Variants in ASH1L observed in about 807,000 individuals in gnomAD.
The protein encoded by ASH1L is histone-lysine N-methyltransferase ASH1L.
In ASH1L, 23 loss-of-function variants were observed where a neutral mutation model predicts 269.0. The ratio of observed to expected loss-of-function variants is 0.09; its 90% CI spans 0.06 to 0.12. The LOEUF is 0.12. Among genes scored for constraint, ASH1L ranks in the 10% least tolerant of loss-of-function variants. ASH1L has a pLI of 1.00. For synonymous variants in ASH1L, 1,187 were observed against 1,253.5 expected, an observed-to-expected ratio of 0.95 and a Z score of 1.12; for missense variants, 2,912 against 3,567.8, an observed-to-expected ratio of 0.82 and a Z score of 4.68.
At position 155,477,897 on chromosome 1, in the gene ASH1L, T is replaced by C; in HGVS notation, c.4973A>G (p.Gln1658Arg). The change falls in exon 3 of 28, where the codon CAG becomes CGG. Residue 1658 changes from glutamine to arginine, a missense_variant. This residue lies in a region of ASH1L where 789 missense variants were observed against 897.6 expected (regional missense o/e 0.88). Coordinates refer to ENST00000392403, the MANE Select transcript of ASH1L (RefSeq NM_018489.3). ...ESLPSNERAV[Q>R]TLAGSQPTSD... Reference sequence around the variant, plus strand: ...AATAACCCTCTTACCTGCCAAAGTCTGTACTGCCCTTTCGTTAGAAGGCAG... The same window carrying C: ...AATAACCCTCTTACCTGCCAAAGTCCGTACTGCCCTTTCGTTAGAAGGCAG... The C allele has an allele frequency of 6.2e-7, 1 of 1,605,150 alleles. No homozygotes were observed. The highest frequency in any genetic ancestry group is 8.5e-7 in the Non-Finnish European group (1 of 1,173,556).
intron 17 of ASH1L, 76 bp from the exon 18 acceptor site, chr1:155,349,672 G>C: frequency 2.1e-6 from 2 of 944,750 alleles, no homozygotes; most frequent in Non-Finnish European, 3.2e-6. Context: ...TGGAAGAATA[G>C]AATCCCTCAA....
chr1:155,399,488 C>T (rs975740724), intron 6 of ASH1L, among the ~76,000 whole-genome samples: 5 of 152,132 alleles, frequency 3.3e-5, no homozygotes, highest in Admixed American at 2.0e-4. Context: ...ACTAAAAATA[C>T]AAAAATTAGC....
At chr1:155,528,799 G>C (rs1669448353) in intron 1 of ASH1L, among the ~76,000 whole-genome samples, 1 of 152,076 alleles carries the variant, frequency 6.6e-6, no homozygotes, top group African/African-American at 2.4e-5. Flanking sequence ...TCATCACCCA[G>C]GTATTAAGCC....
chr1:155,446,035 CTTTT>C (rs77905341), intron 4 of ASH1L, among the ~76,000 whole-genome samples: 11 of 119,994 alleles, frequency 9.2e-5, no homozygotes, highest in African/African-American at 3.4e-4. Context: ...CTACACTGTA[CTTTT>C]TTTTTTTTTT....
chr1:155,500,595 C>T (rs1031897253), intron 2 of ASH1L, among the ~76,000 whole-genome samples: 1 of 152,052 alleles, frequency 6.6e-6, no homozygotes, highest in African/African-American at 2.4e-5. Context: ...TGAGATGGCA[C>T]GCAGCCCATA....
At chr1:155,503,167 C>T (rs1206223914) in intron 2 of ASH1L, among the ~76,000 whole-genome samples, 2 of 152,152 alleles carry the variant, frequency 1.3e-5, no homozygotes. Context: ...AAGCAGGTGC[C>T]ATTTTGTTTC....
At chr1:155,350,050 C>T (rs957928233) in intron 17 of ASH1L, among the ~76,000 whole-genome samples, 16 of 151,920 alleles carry the variant, frequency 1.1e-4, no homozygotes, top group African/African-American at 2.9e-4. Context: ...CCACCATGCC[C>T]GGCTAATTTT....
At chr1:155,492,887 A>G (rs750726338) in intron 2 of ASH1L, among the ~76,000 whole-genome samples, 5 of 152,180 alleles carry the variant, frequency 3.3e-5, no homozygotes, top group African/African-American at 4.8e-5. Flanking sequence ...TGCAGTGTCA[A>G]TCTCAGCTTG....
chr1:155,366,153 G>C (rs898107125), intron 12 of ASH1L, among the ~76,000 whole-genome samples: 3 of 152,136 alleles, frequency 2.0e-5, no homozygotes, highest in African/African-American at 7.2e-5. Flanking sequence ...GACAAAACAG[G>C]CTGCAGTAAA....
intron 6 of ASH1L, among the ~76,000 whole-genome samples, chr1:155,406,493 C>T (rs1186827139): frequency 1.3e-5 from 2 of 152,044 alleles, no homozygotes; most frequent in Admixed American, 6.6e-5. Context: ...TTGCTTGAGG[C>T]CAAGAGTTCG....
intron 1 of ASH1L, among the ~76,000 whole-genome samples, chr1:155,542,865 C>A (rs1571114943): frequency 6.6e-6 from 1 of 151,420 alleles, no homozygotes. Flanking sequence ...ATTTTTAGTA[C>A]AGACAGGGTT....
In ASH1L at chr1:155,438,714, T is replaced by C; in HGVS notation, c.5441A>G (p.Asp1814Gly). 6.2e-7 allele frequency: 1 copy of C among 1,614,036 alleles called. No homozygotes were observed. The highest frequency in any genetic ancestry group is 8.5e-7 in the Non-Finnish European group (1 of 1,180,002). ...QRQARKMCNYDKILATKKNLD... is the reference protein window; with the variant it reads ...QRQARKMCNYGKILATKKNLD... ...GTTTTTCTTTGTGGCCAAGATTTTG[T>C]CGTAATTGCACATTTTCCGAGCTTG... Residue 1814 changes from aspartate to glycine, a missense_variant, in exon 5 of 28, where the codon GAC (aspartate) becomes GGC (glycine). By Grantham distance (94) the Asp-to-Gly change is moderately conservative (BLOSUM62 -1). This residue lies in a region of ASH1L where 789 missense variants were observed against 897.6 expected (regional missense o/e 0.88). Coordinates refer to ENST00000392403, the MANE Select transcript of ASH1L (RefSeq NM_018489.3).
intron 1 of ASH1L, among the ~76,000 whole-genome samples, chr1:155,536,296 A>G (rs1474477674): frequency 6.6e-6 from 1 of 152,210 alleles, no homozygotes; most frequent in East Asian, 1.9e-4. Context: ...GGACTTATAC[A>G]GAGGGCCTTG....
chr1:155,457,336 T>C (rs1014520034), intron 4 of ASH1L, among the ~76,000 whole-genome samples: 15 of 152,244 alleles, frequency 9.9e-5, no homozygotes, highest in Non-Finnish European at 2.1e-4. Context: ...GTCCCCATTA[T>C]TGCTTTTACA....
chr1:155,403,991 G>GGTT (rs1659061436), intron 6 of ASH1L, among the ~76,000 whole-genome samples: 1 of 150,866 alleles, frequency 6.6e-6, no homozygotes, highest in South Asian at 2.1e-4. Flanking sequence ...GGAAGGCAGA[G>GGTT]GTTGCAGTGA....
In ASH1L at chr1:155,380,025, A is replaced by G. The variant is rs1039151311; in HGVS notation, c.6177+18T>C. The stretch of plus-strand genomic sequence containing the variant: ...TTACCACTTAAGAATGAAACCTGGT[A>G]AAACAGGCTCTCTGTACCTGATTGT... On this transcript the variant is annotated intron_variant, in intron 8 of 27. Transcript: ENST00000392403. The G allele has an allele frequency of 1.9e-6, 3 of 1,583,716 alleles. No individual in the cohort carries two copies. The highest frequency in any genetic ancestry group is 2.7e-5 in the African/African-American group (2 of 74,270).
At position 155,480,950 on chromosome 1, in the gene ASH1L, A is replaced by T. The variant is rs1367968849; in HGVS notation, c.1920T>A (p.His640Gln). Residue 640 changes from histidine to glutamine, a missense_variant, in exon 3 of 28, where the codon CAT becomes CAA. Transcript: ENST00000392403. ...AAGAGCTTATTCTTGGAATATCTAT[A>T]TGGGTAGTTTTTGAATCATTTACCT... The part of the protein sequence containing the change: ...DKEVNDSKTT[H>Q]IDIPRISSSL... The T allele has an allele frequency of 6.2e-7, 1 of 1,614,056 alleles. No homozygotes were observed. The highest frequency in any genetic ancestry group is 2.2e-5 in the East Asian group (1 of 44,876).
At chr1:155,434,659 T>A (rs1661934156) in intron 5 of ASH1L, among the ~76,000 whole-genome samples, 1 of 152,036 alleles carries the variant, frequency 6.6e-6, no homozygotes, top group African/African-American at 2.4e-5. Flanking sequence ...GAGACCAGCC[T>A]GACCAATATG....
At chr1:155,545,175 CAAAAAA>C (rs10624841) in intron 1 of ASH1L, among the ~76,000 whole-genome samples, 13 of 21,764 alleles carry the variant, frequency 6.0e-4, no homozygotes, top group Non-Finnish European at 8.4e-4. Flanking sequence ...TCCATCTCAC[CAAAAAA>C]AAAAAAAAAA....
Sources: allele counts gnomAD v4.1 joint callset (sites outside exome capture counted in the v4.1 genomes callset), GRCh38; gene constraint gnomAD v4.1.1; regional missense constraint gnomAD v4.1.1; transcripts MANE v1.5; gene names NCBI Gene and HGNC (gene_info 2026-07-23, HGNC 2026-07-21).